Variants in LRRC37B observed in about 807,000 individuals in gnomAD.
LRRC37B encodes the protein leucine-rich repeat-containing protein 37B.
Under a neutral mutation model 98.3 loss-of-function variants are expected in LRRC37B, and 28 were observed. The ratio of observed to expected loss-of-function variants is 0.28; its 90% CI spans 0.21 to 0.39. LRRC37B has a LOEUF of 0.39. LRRC37B is among the 10% of genes least tolerant of loss of function. The pLI, the probability that LRRC37B is intolerant of heterozygous loss-of-function variation, is 1.00. For synonymous variants in LRRC37B, 364 were observed against 442.7 expected, an observed-to-expected ratio of 0.82 and a Z score of 2.23; for missense variants, 938 against 1,182.7, an observed-to-expected ratio of 0.79 and a Z score of 3.03.
upstream of LRRC37B, among the ~76,000 whole-genome samples, chr17:32,019,219 G>A (rs539545357): frequency 3.7e-4 from 56 of 152,268 alleles, no homozygotes; most frequent in Non-Finnish European, 5.7e-4. Context: ...GAGCCGCTGC[G>A]CCTGGGCCCC....
At chr17:32,016,040 A>T (rs889344219), upstream of LRRC37B, among the ~76,000 whole-genome samples, 1 of 152,258 alleles carries the variant, frequency 6.6e-6, no homozygotes, top group Non-Finnish European at 1.5e-5. Flanking sequence ...ATGAGAAATT[A>T]ATTAAATAAC....
At chr17:32,041,709 G>A (rs1411235501) in intron 7 of LRRC37B, 3 of 457,738 alleles carry the variant, frequency 6.6e-6, no homozygotes, top group African/African-American at 6.0e-5. Flanking sequence ...TTATCTGGGT[G>A]GGTGGGGACG....
At chr17:32,048,182 C>G (rs1911644388) in intron 9 of LRRC37B, among the ~76,000 whole-genome samples, 1 of 152,062 alleles carries the variant, frequency 6.6e-6, no homozygotes, top group Non-Finnish European at 1.5e-5. Context: ...CTGGCAGATT[C>G]AAAGTGTAGG....
intron 7 of LRRC37B, 166 bp downstream of exon 10, chr17:32,035,805 C>T: frequency 1.5e-6 from 1 of 683,768 alleles, no homozygotes. Flanking sequence ...ATAACCACCA[C>T]CACATTCCCA....
upstream of LRRC37B, among the ~76,000 whole-genome samples, chr17:32,018,963 G>A (rs1489766468): frequency 1.3e-5 from 2 of 152,234 alleles, no homozygotes; most frequent in East Asian, 3.9e-4. Flanking sequence ...GTCTCACTCT[G>A]TGGCCCAGGC....
intron 7 of LRRC37B, chr17:32,040,452 G>A: frequency 3.4e-6 from 2 of 588,364 alleles, no homozygotes; most frequent in Non-Finnish European, 6.3e-6. Flanking sequence ...TTGCAGGGCT[G>A]AAAAAGCAGT....
chr17:32,032,890 G>A (rs1430491627), intron 5 of LRRC37B, among the ~76,000 whole-genome samples: 1 of 152,202 alleles, frequency 6.6e-6, no homozygotes, highest in Admixed American at 6.5e-5. Flanking sequence ...GTGGCCAGGA[G>A]CGGTGGCTCA....
chr17:32,017,117 A>C (rs1910661080), upstream of LRRC37B: 1 of 152,196 alleles, frequency 6.6e-6, no homozygotes, highest in South Asian at 2.1e-4. Context: ...ACACACTGAA[A>C]ACTTCATAGA....
At chr17:32,021,343 C>T (rs774198958) in exon 1 of LRRC37B, 1 of 1,613,998 alleles carries the variant, frequency 6.2e-7, no homozygotes. Flanking sequence ...CCTGCTCCCC[C>T]AGCAGCCCCG....
intron 7 of LRRC37B, chr17:32,035,873 C>G: frequency 2.5e-6 from 1 of 394,518 alleles, no homozygotes; most frequent in Non-Finnish European, 4.6e-6. Context: ...TAGGCAATCC[C>G]TTCCTCCCAC....
intron 1 of LRRC37B, among the ~76,000 whole-genome samples, chr17:32,010,960 T>C (rs192594357): frequency 3.9e-5 from 6 of 152,332 alleles, no homozygotes; most frequent in Admixed American, 2.6e-4. Flanking sequence ...AAATAGGTTT[T>C]ATTTTCCAAA....
intron 7 of LRRC37B, 106 bp downstream of exon 10, chr17:32,035,745 C>A: frequency 8.2e-7 from 1 of 1,216,494 alleles, no homozygotes; most frequent in Non-Finnish European, 1.2e-6. Flanking sequence ...ATATAACATT[C>A]ACCCTTTATA....
Position 32,035,553 on chromosome 17 carries a change from TTTC to T in LRRC37B, c.2130-5_2130-3del, listed in dbSNP as rs1911222685. 6.2e-7 allele frequency: 1 copy of T among 1,608,940 alleles called. No homozygotes were observed. Among genetic ancestry groups the T allele is most frequent in the African/African-American group, 1.3e-5 (1 of 74,860 alleles). The stretch of plus-strand genomic sequence containing the variant: ...GGGTTCATATCATGAATGTTTCGGC[TTTC>T]TTCTTCAGAGACATGGGAACAACAC... On this transcript the variant is annotated splice_polypyrimidine_tract_variant and intron_variant, in intron 6 of 11. Transcript: ENST00000327564.
chr17:32,048,033 G>A lies in LRRC37B; in HGVS notation c.2464+132G>A, dbSNP rs1022513970. The A allele has an allele frequency of 5.7e-5, 85 of 1,496,510 alleles. No individual in the cohort carries two copies. The Admixed American group carries it at 1.4e-3, about 25-fold the overall frequency. The allele number at this position is 1,496,510 out of a possible 1,614,324, so 92.7% of individuals were successfully genotyped here. A position where few individuals can be genotyped will look rare whatever the true frequency, so the allele number is the denominator to read the frequency against. On this transcript the variant is annotated intron_variant, in intron 9 of 11. Coordinates refer to ENST00000327564, the Ensembl canonical transcript of LRRC37B. ...GTTCACTGAACAGCTATTTTCAAAT[G>A]TACAAGATGGAGATAGGCTCCTGAG... is the stretch of plus-strand genomic sequence containing the variant.
At chr17:32,041,115 A>G in intron 7 of LRRC37B, 1 of 767,364 alleles carries the variant, frequency 1.3e-6, no homozygotes, top group East Asian at 2.5e-5. Flanking sequence ...GGCCATGCAG[A>G]TCCTGGACGA....
chr17:32,050,257 A>T, intron 11 of LRRC37B, 150 bp downstream of exon 14: 1 of 653,790 alleles, frequency 1.5e-6, no homozygotes, highest in Non-Finnish European at 2.9e-6. Context: ...TTTTACTGCA[A>T]TGTATATTCC....
chr17:32,012,845 C>G (rs1264888094), intron 1 of LRRC37B, among the ~76,000 whole-genome samples: 6 of 152,136 alleles, frequency 3.9e-5, no homozygotes, highest in African/African-American at 1.4e-4. Flanking sequence ...GGTGAAACCC[C>G]GTCCCTACTA....
In LRRC37B at chr17:32,022,521, A is replaced by G. The variant is rs765358681; in HGVS notation, c.1456A>G (p.Thr486Ala). 6.2e-6 allele frequency: 10 copies of G among 1,613,468 alleles called. No homozygotes were observed. The Admixed American group carries it at 1.5e-4, about 24-fold the overall frequency. The stretch of plus-strand genomic sequence containing the variant: ...GCTTGCCATAACTCCAGAACCCACT[A>G]CAGAGATTGGACATTCCACAGCCCT... Residue 486 changes from threonine to alanine, a missense_variant, in exon 1 of 12, where the codon ACA (threonine) becomes GCA (alanine). By Grantham distance (58) the Thr-to-Ala change is moderately conservative. This residue lies in a region of LRRC37B where 610 missense variants were observed against 625.6 expected (regional missense o/e 0.98). Transcript: ENST00000327564.
chr17:32,016,451 G>C (rs1384544548), upstream of LRRC37B, among the ~76,000 whole-genome samples: 1 of 152,122 alleles, frequency 6.6e-6, no homozygotes, highest in Non-Finnish European at 1.5e-5. Context: ...TTAAGCTTTG[G>C]CTTCCGTTTG....
Sources: allele counts gnomAD v4.1 joint callset (sites outside exome capture counted in the v4.1 genomes callset), GRCh38; gene constraint gnomAD v4.1.1; regional missense constraint gnomAD v4.1.1; transcripts MANE v1.5; gene names NCBI Gene and HGNC (gene_info 2026-07-23, HGNC 2026-07-21).